CPNE8: variants seen among roughly 807,000 people sequenced by gnomAD.
The protein encoded by CPNE8 is copine 8.
CPNE8 carries 45 observed loss-of-function variants against 81.5 expected under a neutral mutation model. That is an observed-to-expected ratio of 0.55 (90% CI 0.44 to 0.71). The LOEUF is 0.71. Among genes scored for constraint, CPNE8 ranks in the 30% least tolerant of loss-of-function variants. CPNE8 has a pLI of 0.00. For missense variants in CPNE8, 594 were observed against 672.1 expected, an observed-to-expected ratio of 0.88 and a Z score of 1.28; for synonymous variants, 252 against 226.3, an observed-to-expected ratio of 1.11 and a Z score of -1.02.
At chr12:38,834,834 T>C (rs1943354346) in intron 5 of CPNE8, among the ~76,000 whole-genome samples, 1 of 152,102 alleles carries the variant, frequency 6.6e-6, no homozygotes. Context: ...TCACTCATAA[T>C]ATTTTACATA....
At chr12:38,789,430 T>A (rs1942273422) in intron 6 of CPNE8, among the ~76,000 whole-genome samples, 1 of 151,886 alleles carries the variant, frequency 6.6e-6, no homozygotes. Flanking sequence ...CCCCTATCTT[T>A]TGCTATATAC....
At chr12:38,730,193 T>C in intron 11 of CPNE8, 90 bp downstream of exon 11, 1 of 805,702 alleles carries the variant, frequency 1.2e-6, no homozygotes, top group Admixed American at 2.0e-5. Context: ...TAGTTAACCT[T>C]TGGCAATTAT....
intron 1 of CPNE8, among the ~76,000 whole-genome samples, chr12:38,904,948 G>A (rs1944546333): frequency 6.6e-6 from 1 of 152,150 alleles, no homozygotes; most frequent in Non-Finnish European, 1.5e-5. Context: ...GAAGCAAGCT[G>A]GAAGGCTCCA....
intron 15 of CPNE8, among the ~76,000 whole-genome samples, chr12:38,686,776 T>C (rs2136661363): frequency 6.6e-6 from 1 of 152,244 alleles, no homozygotes; most frequent in Middle Eastern, 3.4e-3. Context: ...CCAAATGGAC[T>C]CTCCACAGGG....
intron 10 of CPNE8, among the ~76,000 whole-genome samples, chr12:38,747,333 A>ATATT (rs1941250138): frequency 6.6e-6 from 1 of 152,176 alleles, no homozygotes; most frequent in African/African-American, 2.4e-5. Context: ...CAAGTAAAGG[A>ATATT]GTATGAATTG....
intron 1 of CPNE8, 75 bp downstream of exon 1, chr12:38,905,362 A>T (rs779529495): frequency 1.3e-6 from 2 of 1,495,722 alleles, no homozygotes; most frequent in Non-Finnish European, 1.8e-6. Context: ...GCCTCGTGGT[A>T]CCCCGAGCGC....
chr12:38,799,725 C>A (rs1592101516), intron 6 of CPNE8, among the ~76,000 whole-genome samples: 1 of 149,624 alleles, frequency 6.7e-6, no homozygotes, highest in Admixed American at 6.7e-5. Context: ...CGGGTGATTT[C>A]TGCATTTCCA....
intron 19 of CPNE8, among the ~76,000 whole-genome samples, chr12:38,659,479 T>C (rs1463873263): frequency 6.6e-6 from 1 of 152,090 alleles, no homozygotes; most frequent in Non-Finnish European, 1.5e-5. Flanking sequence ...CTGTCAATAT[T>C]AGACAGATCG....
At chr12:38,714,317 G>T (rs912099324) in intron 13 of CPNE8, among the ~76,000 whole-genome samples, 1 of 151,962 alleles carries the variant, frequency 6.6e-6, no homozygotes, top group African/African-American at 2.4e-5. Flanking sequence ...AATGATAATT[G>T]AAGTATTCAA....
At chr12:38,677,426 C>T in intron 17 of CPNE8, 26 bp downstream of exon 17, 1 of 1,248,836 alleles carries the variant, frequency 8.0e-7, no homozygotes, top group Non-Finnish European at 1.2e-6. Flanking sequence ...ACGTAGCGAG[C>T]CCAATACGGA....
intron 16 of CPNE8, among the ~76,000 whole-genome samples, chr12:38,684,191 A>G (rs1939477297): frequency 6.6e-6 from 1 of 152,158 alleles, no homozygotes; most frequent in Non-Finnish European, 1.5e-5. Context: ...AATATATAGT[A>G]TATATGACAT....
chr12:38,844,298 G>A (rs1018769328), intron 4 of CPNE8, among the ~76,000 whole-genome samples: 3 of 152,086 alleles, frequency 2.0e-5, no homozygotes, highest in Admixed American at 6.5e-5. Context: ...CACATACTAC[G>A]AAGTGATAAG....
At chr12:38,795,519 C>T (rs1226965451) in intron 6 of CPNE8, among the ~76,000 whole-genome samples, 1 of 152,094 alleles carries the variant, frequency 6.6e-6, no homozygotes, top group Non-Finnish European at 1.5e-5. Flanking sequence ...GTGGTATATA[C>T]ATAGGATGGA....
chr12:38,906,728 G>T, upstream of CPNE8: 1 of 491,528 alleles, frequency 2.0e-6, no homozygotes. Flanking sequence ...AGGGACCTTT[G>T]TTCCCCGCGC....
chr12:38,767,775 G>T, intron 7 of CPNE8, 37 bp from the exon 8 acceptor site: 1 of 1,318,790 alleles, frequency 7.6e-7, no homozygotes, highest in Non-Finnish European at 1.0e-6. Flanking sequence ...CAAGATTTGG[G>T]CTATAAATAA....
At chr12:38,837,024 T>A (rs1226917109) in intron 5 of CPNE8, among the ~76,000 whole-genome samples, 1 of 152,120 alleles carries the variant, frequency 6.6e-6, no homozygotes, top group Non-Finnish European at 1.5e-5. Context: ...AAATATATTT[T>A]AAAAATATAA....
chr12:38,773,247 A>T (rs1941845468), intron 7 of CPNE8, among the ~76,000 whole-genome samples: 1 of 152,144 alleles, frequency 6.6e-6, no homozygotes, highest in African/African-American at 2.4e-5. Context: ...TATACAGTAT[A>T]GTACCTATGG....
intron 13 of CPNE8, among the ~76,000 whole-genome samples, chr12:38,723,305 T>C (rs1347745558): frequency 6.6e-6 from 1 of 152,170 alleles, no homozygotes; most frequent in Non-Finnish European, 1.5e-5. Context: ...TTTTTTTTCC[T>C]GAAATGTATT....
chr12:38,802,799 A>G (rs1036302689), intron 6 of CPNE8, among the ~76,000 whole-genome samples: 3 of 140,654 alleles, frequency 2.1e-5, no homozygotes, highest in African/African-American at 7.9e-5. Context: ...AATCAAATAG[A>G]CACAATAAAA....
Sources: allele counts gnomAD v4.1 joint callset (sites outside exome capture counted in the v4.1 genomes callset), GRCh38; gene constraint gnomAD v4.1.1; transcripts MANE v1.5; gene names NCBI Gene and HGNC (gene_info 2026-07-23, HGNC 2026-07-21).